The following CALN1 variants were observed in gnomAD, a reference collection of about 807,000 sequenced individuals.
CALN1 encodes calcium-binding protein 8.
Under a neutral mutation model 30.6 loss-of-function variants are expected in CALN1, and 17 were observed. That is an observed-to-expected ratio of 0.56 (90% CI 0.38 to 0.83). CALN1 has a LOEUF of 0.83. Ranked by LOEUF, CALN1 falls within the 40% of genes least tolerant of loss-of-function variation. The pLI is 0.00. For synonymous variants in CALN1, 156 were observed against 131.4 expected (o/e 1.19, Z -1.28); for missense variants, 291 against 354.9 (o/e 0.82, Z 1.45).
the CALN1 span, among the ~76,000 whole-genome samples, chr7:72,464,360 A>G: frequency 1.3e-5 from 2 of 152,314 alleles, no homozygotes; most frequent in East Asian, 3.9e-4. Flanking sequence ...AGACCGTGCT[A>G]TCTCTGAGTA....
intron 5 of CALN1, among the ~76,000 whole-genome samples, chr7:71,991,645 G>C (rs959236580): frequency 2.0e-5 from 3 of 152,062 alleles, no homozygotes. Context: ...TTCTCTACAA[G>C]GAATATAATC....
At chr7:71,887,405 C>A (rs1792976411) in intron 5 of CALN1, among the ~76,000 whole-genome samples, 1 of 152,210 alleles carries the variant, frequency 6.6e-6, no homozygotes, top group Non-Finnish European at 1.5e-5. Flanking sequence ...AAGCAATTCT[C>A]CTGCCTCAGC....
rs371876945 is a variant in CALN1 at position 71,827,959 on chromosome 7, C to G, written c.502-17467G>C. ...AAAGACCATGAGGCTAGAACGTGCT[C>G]TGTGTGCTGGGGCTGGAAGGGAGAT... On this transcript the variant is annotated intron_variant, in intron 5 of 6. Transcript: ENST00000395275. Among the ~76,000 whole-genome samples the G allele has an allele frequency of 2.4e-4, 36 of 152,104 alleles. No homozygotes were observed. The East Asian group carries it at 3.7e-3, about 16-fold the overall frequency.
chr7:71,912,862 T>TA (rs1794495336), intron 5 of CALN1, among the ~76,000 whole-genome samples: 1 of 152,154 alleles, frequency 6.6e-6, no homozygotes, highest in East Asian at 1.9e-4. Context: ...CATCCACTTG[T>TA]AAAAACAATC....
intron 2 of CALN1, among the ~76,000 whole-genome samples, chr7:72,380,860 T>A (rs368596634): frequency 2.0e-5 from 3 of 152,112 alleles, no homozygotes; most frequent in East Asian, 3.9e-4. Flanking sequence ...AAGAAACAAG[T>A]AAATTTTAGA....
At chr7:72,058,957 C>T (rs750646025) in intron 4 of CALN1, among the ~76,000 whole-genome samples, 6 of 152,134 alleles carry the variant, frequency 3.9e-5, no homozygotes, top group Non-Finnish European at 7.4e-5. Context: ...GTTTCCGTTT[C>T]GTTGAAGATT....
In CALN1 at chr7:71,928,623, A is replaced by G. The variant is rs116977604; in HGVS notation, c.501+95034T>C. ...GCACCAATGTAATAGTTCACATACC[A>G]TATCTTTCGCTTAAAGTATACAAGT... On this transcript the variant is annotated intron_variant, in intron 5 of 6. Transcript: ENST00000395275. Among the ~76,000 whole-genome samples the G allele has an allele frequency of 8.1e-3, 1,230 of 152,302 alleles. 7 individuals carry two copies. The highest frequency in any genetic ancestry group is 0.014 in the Non-Finnish European group (930 of 68,032).
At chr7:71,811,581 T>C (rs1045731463) in intron 5 of CALN1, among the ~76,000 whole-genome samples, 1 of 151,958 alleles carries the variant, frequency 6.6e-6, no homozygotes, top group Non-Finnish European at 1.5e-5. Flanking sequence ...GAAGGAGAGG[T>C]GCAGAGTTCC....
intron 5 of CALN1, among the ~76,000 whole-genome samples, chr7:72,011,833 G>C (rs895144565): frequency 6.6e-6 from 1 of 151,840 alleles, no homozygotes; most frequent in Non-Finnish European, 1.5e-5. Flanking sequence ...TTTTTGTAGA[G>C]ACAAAAAAAT....
chr7:72,024,658 C>CA (rs1197498096), intron 4 of CALN1, among the ~76,000 whole-genome samples: 1 of 152,148 alleles, frequency 6.6e-6, no homozygotes, highest in Non-Finnish European at 1.5e-5. Flanking sequence ...CTTGGCCTCT[C>CA]AAAGTGCTGG....
chr7:72,206,366 T>A (rs1348011805), intron 3 of CALN1, among the ~76,000 whole-genome samples: 2 of 152,222 alleles, frequency 1.3e-5, no homozygotes, highest in Admixed American at 1.3e-4. Context: ...CCTCATCCTA[T>A]ACATTCTAGA....
At chr7:72,410,239 A>C (rs979922330) in intron 1 of CALN1, among the ~76,000 whole-genome samples, 2 of 152,198 alleles carry the variant, frequency 1.3e-5, no homozygotes, top group African/African-American at 4.8e-5. Flanking sequence ...AAATCTACTT[A>C]ACTGCTTATG....
At chr7:72,230,343 A>T (rs1490622596) in intron 3 of CALN1, among the ~76,000 whole-genome samples, 1 of 16,798 alleles carries the variant, frequency 6.0e-5, no homozygotes, top group African/African-American at 3.7e-4. Context: ...AATAGATACT[A>T]AAAAAAAAAA....
intron 2 of CALN1, among the ~76,000 whole-genome samples, chr7:72,324,970 C>G (rs192605967): frequency 1.5e-4 from 23 of 152,274 alleles, no homozygotes; most frequent in Middle Eastern, 3.4e-3. Context: ...ATGCATTTAT[C>G]TCTTTGGGTG....
At chr7:72,064,867 G>A (rs1803906847) in intron 4 of CALN1, among the ~76,000 whole-genome samples, 1 of 151,684 alleles carries the variant, frequency 6.6e-6, no homozygotes, top group Non-Finnish European at 1.5e-5. Context: ...GCTTGCTCAG[G>A]CATTTAAGCT....
chr7:71,829,863 C>A (rs534097501), intron 5 of CALN1, among the ~76,000 whole-genome samples: 31 of 152,256 alleles, frequency 2.0e-4, no homozygotes, highest in Non-Finnish European at 3.8e-4. Flanking sequence ...TTCCCCATTG[C>A]ACATCGAAGA....
At chr7:72,485,752 T>C in the CALN1 span, among the ~76,000 whole-genome samples, 1 of 152,000 alleles carries the variant, frequency 6.6e-6, no homozygotes, top group Admixed American at 6.6e-5. Context: ...GCACCTGTAA[T>C]CCCAGCTACT....
chr7:72,000,154 G>C (rs1387018318), intron 5 of CALN1, among the ~76,000 whole-genome samples: 2 of 151,982 alleles, frequency 1.3e-5, no homozygotes, highest in African/African-American at 4.8e-5. Context: ...CTACAAAGCA[G>C]GTGGAAAGAA....
intron 5 of CALN1, among the ~76,000 whole-genome samples, chr7:71,820,956 C>T (rs954335217): frequency 3.9e-5 from 6 of 152,040 alleles, no homozygotes; most frequent in Admixed American, 6.6e-5. Context: ...TGTGTGAAGG[C>T]GAATGGGCCA....
Sources: gnomAD v4.1 joint callset for allele counts (sites outside exome capture counted in the v4.1 genomes callset) on GRCh38, gnomAD v4.1.1 for gene constraint, MANE v1.5 for transcripts, NCBI Gene and HGNC (gene_info 2026-07-23, HGNC 2026-07-21) for gene names.